CBX7: variants seen among roughly 807,000 people sequenced by gnomAD.
CBX7 encodes the protein chromobox 7, also known as chromobox protein homolog 7.
Under a neutral mutation model 31.4 loss-of-function variants are expected in CBX7, and 14 were observed. The ratio of observed to expected loss-of-function variants is 0.45; its 90% confidence interval spans 0.29 to 0.70. The LOEUF is 0.70. Among genes scored for constraint, CBX7 ranks in the 30% least tolerant of loss-of-function variants. CBX7 has a pLI of 0.11. For synonymous variants in CBX7, 159 were observed against 152.6 expected (o/e 1.04, Z -0.31); for missense variants, 269 against 351.9 (o/e 0.76, Z 1.89).
At chr22:39,144,678 T>G (rs1002846982) in intron 2 of CBX7, among the ~76,000 whole-genome samples, 1 of 152,228 alleles carries the variant, frequency 6.6e-6, no homozygotes, top group African/African-American at 2.4e-5. Context: ...TTCGTGCTCC[T>G]CTCTCCACAG....
At chr22:39,151,038 G>C (rs1930831356) in intron 1 of CBX7, among the ~76,000 whole-genome samples, 1 of 152,176 alleles carries the variant, frequency 6.6e-6, no homozygotes, top group Non-Finnish European at 1.5e-5. Flanking sequence ...GGCTTAGACT[G>C]GTGCCTGGTA....
At chr22:39,145,591 G>C (rs1399595457) in intron 2 of CBX7, among the ~76,000 whole-genome samples, 1 of 151,702 alleles carries the variant, frequency 6.6e-6, no homozygotes, top group Non-Finnish European at 1.5e-5. Flanking sequence ...TCTGCACTGG[G>C]CTCGCGGCGC....
chr22:39,150,242 G>C (rs1294694050), intron 1 of CBX7, among the ~76,000 whole-genome samples: 1 of 152,300 alleles, frequency 6.6e-6, no homozygotes, highest in Non-Finnish European at 1.5e-5. Flanking sequence ...CTCCAAATAC[G>C]AAAACATTCC....
In CBX7 at chr22:39,141,409, G is replaced by A; in HGVS notation, c.141C>T (p.His47=). Reference sequence around the variant, plus strand: ...CCATGACGAGGCGGGGGTCCAAGATGTGCTCTTCTGGCTCCCACGTGCTGT... The same window carrying A: ...CCATGACGAGGCGGGGGTCCAAGATATGCTCTTCTGGCTCCCACGTGCTGT... ...PKYSTWEPEE[H]ILDPRLVMAY... The change falls in exon 3 of 6, where the codon CAC becomes CAT. Residue 47 remains histidine, a synonymous_variant. Transcript: ENST00000216133. 6.2e-7 allele frequency: 1 copy of A among 1,612,438 alleles called. No homozygotes were observed. The highest frequency in any genetic ancestry group is 8.5e-7 in the Non-Finnish European group (1 of 1,179,536).
At chr22:39,144,031 G>T (rs1038673218) in intron 2 of CBX7, among the ~76,000 whole-genome samples, 2 of 152,224 alleles carry the variant, frequency 1.3e-5, no homozygotes. Flanking sequence ...GCGTTAGCGA[G>T]GGGTTAAAAG....
At chr22:39,139,506 T>A (rs1178338092) in intron 3 of CBX7, among the ~76,000 whole-genome samples, 1 of 151,422 alleles carries the variant, frequency 6.6e-6, no homozygotes, top group African/African-American at 2.4e-5. Context: ...ATCGAGACCA[T>A]CCAGGCTAAC....
chr22:39,150,784 GT>G (rs1930822601), intron 1 of CBX7, among the ~76,000 whole-genome samples: 1 of 151,596 alleles, frequency 6.6e-6, no homozygotes, highest in Non-Finnish European at 1.5e-5. Context: ...AAAAAAAAAA[GT>G]TTACAGTCCA....
rs568574950 is a variant in CBX7, at chr22:39,143,436, A to G, written c.114-2000T>C. On this transcript the variant is annotated intron_variant, in intron 2 of 5. Coordinates refer to ENST00000216133, the MANE Select transcript of CBX7 (RefSeq NM_175709.5). ...TACAAAAAGAGACAAAAAGGTTTAA[A>G]AAGTTAAGTTTATAAAGTAAGAAAG... Among the ~76,000 whole-genome samples the G allele has an allele frequency of 4.6e-5, 7 of 152,344 alleles. No individual in the cohort carries two copies. In the South Asian group the frequency reaches 1.4e-3, roughly 32 times the overall value.
intron 4 of CBX7, 55 bp downstream of exon 4, chr22:39,138,580 AG>A: frequency 2.0e-6 from 3 of 1,506,942 alleles, no homozygotes; most frequent in South Asian, 1.1e-5. Flanking sequence ...CAAGGGGCAG[AG>A]GGGGACTTGG....
chr22:39,134,469 G>C lies in CBX7; in HGVS notation c.530C>G (p.Pro177Arg). 1 of 1,609,072 alleles carries C rather than the reference G, an allele frequency of 6.2e-7. No individual in the cohort carries two copies. Among genetic ancestry groups the C allele is most frequent in the South Asian group, 1.1e-5 (1 of 91,044 alleles). Residue 177 changes from proline to arginine, a missense_variant, in exon 5 of 6, where the codon CCA becomes CGA. Coordinates refer to ENST00000216133, the MANE Select transcript of CBX7 (RefSeq NM_175709.5). ...CGCCTGCAGGACGTCTGGGGCCGGT[G>C]GCTCCTGCAGGAAGAGCTCCCGTCG... ...SHRRELFLQE[P>R]PAPDVLQAAG...
At chr22:39,143,229 G>A (rs893504039) in intron 2 of CBX7, among the ~76,000 whole-genome samples, 3 of 151,802 alleles carry the variant, frequency 2.0e-5, no homozygotes, top group Non-Finnish European at 4.4e-5. Flanking sequence ...ACTCCATCCT[G>A]GATGGCAGAG....
At chr22:39,146,422 G>A (rs939971267) in intron 2 of CBX7, among the ~76,000 whole-genome samples, 3 of 152,124 alleles carry the variant, frequency 2.0e-5, no homozygotes, top group African/African-American at 7.2e-5. Flanking sequence ...TGAGGTTAGG[G>A]CCTCATTTTT....
intron 2 of CBX7, among the ~76,000 whole-genome samples, chr22:39,142,904 A>G (rs1480458093): frequency 6.6e-6 from 1 of 152,074 alleles, no homozygotes; most frequent in African/African-American, 2.4e-5. Context: ...GCCTAGGCCA[A>G]TGTGTGTGTT....
Position 39,131,785 on chromosome 22 carries a change from T to C in CBX7, c.*2106A>G, listed in dbSNP as rs710190. On this transcript the variant is annotated 3_prime_UTR_variant, in exon 6 of 6. Coordinates refer to ENST00000216133, the MANE Select transcript of CBX7 (RefSeq NM_175709.5). ...TGACCAGGAAGCAGGAAAAAGGTCC[T>C]ATGTCCCCTGGGGGATGGGGAGCGT... The C allele has an allele frequency of 0.48, 72,627 of 152,176 alleles. 18,390 individuals carry two copies. Among genetic ancestry groups the C allele is most frequent in the African/African-American group, 0.64 (26,733 of 41,516 alleles). 9.4% of individuals were successfully genotyped at this position (152,176 alleles called of 1,614,324 possible).
At chr22:39,141,219 C>A in intron 3 of CBX7, 152 bp downstream of exon 3, 1 of 601,246 alleles carries the variant, frequency 1.7e-6, no homozygotes, top group East Asian at 3.1e-5. Flanking sequence ...GGACTCAGTG[C>A]CCACCATTTT....
chr22:39,147,708 A>G (rs1442609647), intron 2 of CBX7: 1 of 152,242 alleles, frequency 6.6e-6, no homozygotes, highest in Non-Finnish European at 1.5e-5. Flanking sequence ...GATGGCATGA[A>G]GTGGGCACCA....
intron 2 of CBX7, among the ~76,000 whole-genome samples, chr22:39,144,092 G>A (rs1930556232): frequency 6.6e-6 from 1 of 152,198 alleles, no homozygotes; most frequent in African/African-American, 2.4e-5. Flanking sequence ...AATCCCTAGA[G>A]CTGAGGCCTC....
At chr22:39,149,876 C>T (rs773302817) in intron 1 of CBX7, 44 bp from the exon 2 acceptor site, 3 of 1,544,382 alleles carry the variant, frequency 1.9e-6, no homozygotes, top group African/African-American at 1.4e-5. Context: ...CGTGGTTGCC[C>T]CTACAGCCAC....
chr22:39,134,784 G>A, intron 4 of CBX7, 32 bp from the exon 5 acceptor site: 1 of 1,348,128 alleles, frequency 7.4e-7, no homozygotes, highest in South Asian at 1.5e-5. Context: ...GCGCGGGTCA[G>A]CCCCACCCTC....
Sources: gnomAD v4.1 joint callset for allele counts (sites outside exome capture counted in the v4.1 genomes callset) on GRCh38, gnomAD v4.1.1 for gene constraint, MANE v1.5 for transcripts, NCBI Gene and HGNC (gene_info 2026-07-23, HGNC 2026-07-21) for gene names.